The following DNAH14 variants were observed in gnomAD, a reference collection of about 807,000 sequenced individuals.
DNAH14 encodes dynein axonemal heavy chain 14, also known as axonemal beta dynein heavy chain 14.
A neutral mutation model predicts 520.9 loss-of-function variants in DNAH14; 478 were observed. That is an observed-to-expected ratio of 0.92 (90% CI 0.85 to 0.99). DNAH14 has a LOEUF of 0.99. Among genes scored for constraint, DNAH14 ranks in the 50% least tolerant of loss-of-function variants. The probability of loss-of-function intolerance (pLI) is 0.00; values close to 1 mark genes in which losing one functional copy is unlikely to be tolerated. For missense variants in DNAH14, 4,831 were observed against 5,234.5 expected (o/e 0.92, Z 2.38); for synonymous variants, 1,581 against 1,757.2 (o/e 0.90, Z 2.51).
At chr1:225,280,175 C>T (rs2093594736) in intron 54 of DNAH14, among the ~76,000 whole-genome samples, 1 of 151,914 alleles carries the variant, frequency 6.6e-6, no homozygotes, top group African/African-American at 2.4e-5. Flanking sequence ...AAAAGAACAT[C>T]AAAGACCTAA....
intron 23 of DNAH14, among the ~76,000 whole-genome samples, chr1:225,109,188 G>C (rs1363057004): frequency 6.6e-6 from 1 of 152,016 alleles, no homozygotes; most frequent in Non-Finnish European, 1.5e-5. Context: ...GAATAGCTTT[G>C]GATATTCTGG....
chr1:225,060,189 A>G (rs2069828554), intron 17 of DNAH14, among the ~76,000 whole-genome samples: 1 of 151,870 alleles, frequency 6.6e-6, no homozygotes, highest in Non-Finnish European at 1.5e-5. Flanking sequence ...ATAGTCCCAT[A>G]TTTCTTGGAG....
intron 1 of DNAH14, among the ~76,000 whole-genome samples, chr1:224,949,993 AACCAGTGTC>A (rs1262932332): frequency 1.3e-5 from 2 of 152,118 alleles, no homozygotes; most frequent in Non-Finnish European, 2.9e-5. Context: ...TATCAGCCTT[AACCAGTGTC>A]TGTTGACCTC....
chr1:224,995,429 A>ATT (rs551464328), intron 8 of DNAH14, among the ~76,000 whole-genome samples: 1 of 150,264 alleles, frequency 6.7e-6, no homozygotes, highest in African/African-American at 2.5e-5. Context: ...TTATACTGGG[A>ATT]TTTTTTTTTG....
rs192601701 is a variant in DNAH14 at position 225,204,221 on chromosome 1, T to C, written c.5925T>C (p.Asp1975=). 2.8e-4 allele frequency: 411 copies of C among 1,492,004 alleles called. No homozygotes were observed. The highest frequency in any genetic ancestry group is 2.0e-4 in the Admixed American group (7 of 34,792). The allele number at this position is 1,492,004 out of a possible 1,614,324, so 92.4% of individuals were successfully genotyped here. A position where few individuals can be genotyped will look rare whatever the true frequency, so the allele number is the denominator to read the frequency against. Residue 1975 remains aspartate (D), a synonymous_variant, in exon 39 of 86, where the codon GAT becomes GAC. Transcript: ENST00000682510. ...ATTCCTCTGATACAACAGAGACTGATGATAATATTTTTGAGGAGATAGAGA... is the reference window on the plus strand; with the variant it reads ...ATTCCTCTGATACAACAGAGACTGACGATAATATTTTTGAGGAGATAGAGA... ...KLDSSDTTET[D]DNIFEEIEKV...
At chr1:225,251,886 A>G (rs1028650333) in intron 43 of DNAH14, among the ~76,000 whole-genome samples, 2 of 152,256 alleles carry the variant, frequency 1.3e-5, no homozygotes, top group Admixed American at 6.5e-5. Context: ...TTTATTCTAT[A>G]TTTTCAGAAT....
chr1:225,217,433 A>T (rs2089513914), intron 41 of DNAH14, among the ~76,000 whole-genome samples: 1 of 152,192 alleles, frequency 6.6e-6, no homozygotes, highest in Admixed American at 6.5e-5. Flanking sequence ...CAAAGCTGTT[A>T]GACAGGGACG....
rs369323542 is a variant in DNAH14, at chr1:225,181,606, G to A, written c.5536-3685G>A. 2.6e-5 allele frequency among the ~76,000 whole-genome samples: 4 copies of A among 152,040 alleles called. No homozygotes were observed. In the South Asian group the frequency reaches 6.2e-4, roughly 24 times the overall value. The stretch of plus-strand genomic sequence containing the variant: ...GTGAGCATTTTTTCATATGTTTATT[G>A]GCCTCTTATATGTCTTCTTTTGAGA... On this transcript the variant is annotated intron_variant, in intron 36 of 85. Coordinates refer to ENST00000682510, the MANE Select transcript of DNAH14 (RefSeq NM_001367479.1).
At chr1:225,279,284 G>C (rs190584323) in intron 54 of DNAH14, among the ~76,000 whole-genome samples, 2 of 152,298 alleles carry the variant, frequency 1.3e-5, no homozygotes, top group Non-Finnish European at 2.9e-5. Context: ...TGGGATTACA[G>C]GTGTGAGCCA....
At chr1:225,085,412 A>G in intron 20 of DNAH14, 132 bp from the exon 21 acceptor site, 2 of 822,960 alleles carry the variant, frequency 2.4e-6, no homozygotes. Flanking sequence ...TGGTAAGGAT[A>G]TAAACCTAAC....
intron 68 of DNAH14, among the ~76,000 whole-genome samples, chr1:225,340,082 G>GAGA (rs2095147347): frequency 6.6e-6 from 1 of 152,006 alleles, no homozygotes; most frequent in Non-Finnish European, 1.5e-5. Context: ...ATAGCTGCTA[G>GAGA]AGAAGTCTGA....
chr1:225,381,777 C>T (rs555139761), intron 81 of DNAH14, among the ~76,000 whole-genome samples, 198 bp downstream of exon 81: 14 of 152,340 alleles, frequency 9.2e-5, no homozygotes, highest in African/African-American at 3.1e-4. Context: ...GCAGCACCAT[C>T]ACTTAGTTCT....
At chr1:225,168,140 T>A (rs951916005) in intron 36 of DNAH14, 112 bp downstream of exon 36, 7 of 668,498 alleles carry the variant, frequency 1.0e-5, no homozygotes, top group Admixed American at 3.5e-5. Context: ...TAATTTTTTT[T>A]AATTAAAGTC....
At chr1:225,267,453 C>G (rs548748471) in intron 49 of DNAH14, among the ~76,000 whole-genome samples, 1 of 152,112 alleles carries the variant, frequency 6.6e-6, no homozygotes, top group African/African-American at 2.4e-5. Flanking sequence ...ACCACCACGC[C>G]CAGCTAGTTT....
At chr1:225,058,327 G>T (rs1360835598) in intron 17 of DNAH14, among the ~76,000 whole-genome samples, 1 of 152,080 alleles carries the variant, frequency 6.6e-6, no homozygotes, top group Non-Finnish European at 1.5e-5. Context: ...TAGAAGTGTT[G>T]ATAGTATTCT....
intron 11 of DNAH14, among the ~76,000 whole-genome samples, chr1:225,026,206 TA>T (rs1339354606): frequency 6.6e-6 from 1 of 151,914 alleles, no homozygotes; most frequent in Admixed American, 6.5e-5. Flanking sequence ...TTTCTTTTTT[TA>T]ATAGTATCCT....
intron 21 of DNAH14, among the ~76,000 whole-genome samples, chr1:225,095,338 G>A (rs1201229792): frequency 6.6e-6 from 1 of 152,146 alleles, no homozygotes; most frequent in Admixed American, 6.6e-5. Context: ...ATGAGATCAT[G>A]TTCTTTGTAG....
intron 39 of DNAH14, among the ~76,000 whole-genome samples, chr1:225,205,677 T>G (rs555351220): frequency 6.6e-6 from 1 of 152,300 alleles, no homozygotes; most frequent in Non-Finnish European, 1.5e-5. Flanking sequence ...CATATTATTA[T>G]GCAAAAGGTA....
intron 46 of DNAH14, among the ~76,000 whole-genome samples, chr1:225,261,633 A>T (rs147318081): frequency 6.6e-6 from 1 of 152,188 alleles, no homozygotes; most frequent in Non-Finnish European, 1.5e-5. Context: ...TGGCTTTGGT[A>T]TTAGGATAAT....
Sources: allele counts gnomAD v4.1 joint callset (sites outside exome capture counted in the v4.1 genomes callset), GRCh38; gene constraint gnomAD v4.1.1; transcripts MANE v1.5; gene names NCBI Gene and HGNC (gene_info 2026-07-23, HGNC 2026-07-21).